Variants in TMTC2 observed in about 807,000 individuals in gnomAD.
TMTC2 encodes transmembrane O-mannosyltransferase targeting cadherins 2.
Under a neutral mutation model 82.4 loss-of-function variants are expected in TMTC2, and 43 were observed. The ratio of observed to expected loss-of-function variants is 0.52; its 90% CI spans 0.41 to 0.67. TMTC2 has a LOEUF of 0.67. Among genes scored for constraint, TMTC2 ranks in the 30% least tolerant of loss-of-function variants. The pLI is 0.00. For missense variants in TMTC2, 919 were observed against 1,012.4 expected (o/e 0.91, Z 1.25); for synonymous variants, 408 against 381.9 (o/e 1.07, Z -0.80).
At chr12:82,920,683 T>C (rs1184770420) in intron 3 of TMTC2, among the ~76,000 whole-genome samples, 2 of 152,174 alleles carry the variant, frequency 1.3e-5, no homozygotes, top group Non-Finnish European at 2.9e-5. Flanking sequence ...ATAAAATAAC[T>C]CCACAGATCA....
chr12:82,957,753 C>T (rs1277805512), intron 4 of TMTC2, among the ~76,000 whole-genome samples: 1 of 151,692 alleles, frequency 6.6e-6, no homozygotes, highest in Non-Finnish European at 1.5e-5. Context: ...ACTAGAAAAT[C>T]CAGAGGAAAT....
chr12:82,758,926 G>A (rs1160675443), intron 1 of TMTC2: 1 of 152,078 alleles, frequency 6.6e-6, no homozygotes, highest in Non-Finnish European at 1.5e-5. Context: ...GTAGCCATAA[G>A]GAAAACATAC....
intron 4 of TMTC2, 140 bp downstream of exon 4, chr12:82,930,685 A>T (rs146374888): frequency 2.0e-6 from 1 of 504,762 alleles, no homozygotes; most frequent in African/African-American, 1.9e-5. Flanking sequence ...CTCTGAGACT[A>T]TTAGGTGGAT....
rs575696489 is a variant in TMTC2 at position 83,016,886 on chromosome 12, A to T, written c.2071-13912A>T. On this transcript the variant is annotated intron_variant, in intron 8 of 11. Transcript: ENST00000321196. ...TTATAATAGTATTTTAGGGCTTTTTATGGGGATGTAATGTGACCATACATC... is the reference window on the plus strand; with the variant it reads ...TTATAATAGTATTTTAGGGCTTTTTTTGGGGATGTAATGTGACCATACATC... Among the ~76,000 whole-genome samples, 9 of 152,234 alleles carry T rather than the reference A, an allele frequency of 5.9e-5. No homozygotes were observed. The South Asian group carries it at 1.9e-3, about 32-fold the overall frequency.
At chr12:83,088,409 G>C (rs990224285) in intron 11 of TMTC2, among the ~76,000 whole-genome samples, 1 of 152,122 alleles carries the variant, frequency 6.6e-6, no homozygotes, top group African/African-American at 2.4e-5. Flanking sequence ...ATTTGATACA[G>C]GACACAGAGC....
intron 2 of TMTC2, among the ~76,000 whole-genome samples, chr12:82,870,073 T>G (rs1872097100): frequency 6.6e-6 from 1 of 152,200 alleles, no homozygotes; most frequent in African/African-American, 2.4e-5. Context: ...AGACTAGTAT[T>G]GGAATTCCAT....
chr12:82,894,420 A>T (rs1437387952), intron 2 of TMTC2, among the ~76,000 whole-genome samples: 1 of 152,172 alleles, frequency 6.6e-6, no homozygotes, highest in Non-Finnish European at 1.5e-5. Context: ...ATACATAGAC[A>T]TTGTTTTCAT....
chr12:83,011,958 G>A (rs1221525688), intron 8 of TMTC2, among the ~76,000 whole-genome samples: 3 of 152,138 alleles, frequency 2.0e-5, no homozygotes, highest in Non-Finnish European at 4.4e-5. Flanking sequence ...ATGAATGCAG[G>A]TGAAATGATT....
chr12:83,079,356 A>C (rs759295716), intron 11 of TMTC2, among the ~76,000 whole-genome samples: 1 of 152,138 alleles, frequency 6.6e-6, no homozygotes, highest in Non-Finnish European at 1.5e-5. Flanking sequence ...CAAACCTAAT[A>C]ATTCTCCCAA....
At chr12:83,088,230 G>A (rs964524923) in intron 11 of TMTC2, among the ~76,000 whole-genome samples, 2 of 152,236 alleles carry the variant, frequency 1.3e-5, no homozygotes, top group African/African-American at 4.8e-5. Flanking sequence ...ATTAAAGAGA[G>A]TTAGGGGCTT....
At chr12:82,801,508 C>G (rs1301535411) in intron 1 of TMTC2, among the ~76,000 whole-genome samples, 1 of 152,104 alleles carries the variant, frequency 6.6e-6, no homozygotes, top group Non-Finnish European at 1.5e-5. Context: ...GCTGATTGGT[C>G]CATTTTACAG....
intron 1 of TMTC2, among the ~76,000 whole-genome samples, chr12:82,726,783 G>A (rs574179225): frequency 1.3e-5 from 2 of 151,332 alleles, no homozygotes; most frequent in South Asian, 2.1e-4. Flanking sequence ...GGAGGCTGAG[G>A]TAGGAGAATG....
intron 4 of TMTC2, among the ~76,000 whole-genome samples, chr12:82,951,562 C>A (rs2137279817): frequency 6.6e-6 from 1 of 152,290 alleles, no homozygotes; most frequent in South Asian, 2.1e-4. Flanking sequence ...CTCAGGCAAT[C>A]CTCCCGCCTC....
At chr12:83,088,242 T>C (rs1883727357) in intron 11 of TMTC2, among the ~76,000 whole-genome samples, 1 of 152,236 alleles carries the variant, frequency 6.6e-6, no homozygotes, top group African/African-American at 2.4e-5. Flanking sequence ...TAGGGGCTTG[T>C]TCTTGATTAA....
chr12:82,699,942 T>A (rs1390313686), intron 1 of TMTC2, among the ~76,000 whole-genome samples: 1 of 152,196 alleles, frequency 6.6e-6, no homozygotes, highest in Admixed American at 6.5e-5. Flanking sequence ...ATTGTCATAA[T>A]TTTCTAAATA....
intron 3 of TMTC2, among the ~76,000 whole-genome samples, chr12:82,924,655 A>G (rs1268340079): frequency 2.0e-5 from 3 of 152,098 alleles, no homozygotes; most frequent in Non-Finnish European, 4.4e-5. Context: ...TTTAATTTCT[A>G]AGTTGTTTTC....
intron 3 of TMTC2, among the ~76,000 whole-genome samples, chr12:82,924,673 G>T (rs557568311): frequency 8.6e-4 from 131 of 152,238 alleles, no homozygotes; most frequent in African/African-American, 2.9e-3. Context: ...TTCTCACTTT[G>T]AAATAGCCAT....
intron 7 of TMTC2, among the ~76,000 whole-genome samples, chr12:82,972,548 A>G (rs1008348146): frequency 6.6e-6 from 1 of 152,196 alleles, no homozygotes; most frequent in Admixed American, 6.5e-5. Flanking sequence ...TAGGAAACAA[A>G]AATGAATTTA....
At chr12:82,931,278 T>G (rs1876016847) in intron 4 of TMTC2, among the ~76,000 whole-genome samples, 1 of 152,162 alleles carries the variant, frequency 6.6e-6, no homozygotes, top group South Asian at 2.1e-4. Flanking sequence ...ATATAGAATA[T>G]GTGCTATACC....
Sources: allele counts gnomAD v4.1 joint callset (sites outside exome capture counted in the v4.1 genomes callset), GRCh38; gene constraint gnomAD v4.1.1; transcripts MANE v1.5; gene names NCBI Gene and HGNC (gene_info 2026-07-23, HGNC 2026-07-21).